The following TPO variants were observed in gnomAD, a reference collection of about 807,000 sequenced individuals.
TPO encodes the protein thyroid peroxidase.
Under a neutral mutation model 96.9 loss-of-function variants are expected in TPO, and 78 were observed. That is an observed-to-expected ratio of 0.81 (90% confidence interval 0.67 to 0.97). TPO has a LOEUF of 0.97. TPO is among the 50% of genes least tolerant of loss of function. TPO has a pLI of 0.00. For missense variants in TPO, 1,252 were observed against 1,274.8 expected, an observed-to-expected ratio of 0.98 and a Z score of 0.27; for synonymous variants, 547 against 538.0, an observed-to-expected ratio of 1.02 and a Z score of -0.23.
chr2:1,404,655 A>T (rs1243608631), intron 1 of TPO, among the ~76,000 whole-genome samples: 1 of 152,136 alleles, frequency 6.6e-6, no homozygotes, highest in Non-Finnish European at 1.5e-5. Context: ...AACCCGGCCA[A>T]CATCTGACTC....
At chr2:1,429,262 A>T (rs77773290) in intron 3 of TPO, among the ~76,000 whole-genome samples, 70,909 of 151,308 alleles carry the variant, frequency 0.47, 16,933 homozygotes, top group Middle Eastern at 0.52. Context: ...TCCCCATTCA[A>T]CTTCTGCCAT....
In TPO at chr2:1,382,671, G is replaced by A. The variant is rs537331671; in HGVS notation, n.180+8269G>A. On this transcript the variant is annotated intron_variant and non_coding_transcript_variant, in intron 1 of 5. Coordinates refer to the TPO transcript ENST00000497517. ...AGGATTGTCACAACCAGGAATTCCA[G>A]GAAGACCTGGACTACATAGATATGT... Among the ~76,000 whole-genome samples the A allele has an allele frequency of 2.0e-5, 3 of 152,186 alleles. No homozygotes were observed. The South Asian group carries it at 6.2e-4, about 32-fold the overall frequency.
intron 7 of TPO, among the ~76,000 whole-genome samples, chr2:1,458,698 C>T (rs1668122771): frequency 6.6e-6 from 1 of 152,186 alleles, no homozygotes; most frequent in Non-Finnish European, 1.5e-5. Flanking sequence ...TTTTTCTCAT[C>T]CTCTGTGTCA....
At position 1,415,974 on chromosome 2, in the gene TPO, G is replaced by A. The variant is rs183040946; in HGVS notation, c.94+1472G>A. ...CCCCAGGACTTCCTGGTCACTGCCC[G>A]CTCTGAGATCAGGGAAGCCGTGGGG... On this transcript the variant is annotated intron_variant, in intron 2 of 16. Transcript: ENST00000329066. Among the ~76,000 whole-genome samples the A allele has an allele frequency of 2.4e-3, 370 of 152,188 alleles. 1 individual carries two copies. The highest frequency in any genetic ancestry group is 4.6e-3 in the Non-Finnish European group (311 of 68,014).
rs544642645 is a variant in TPO, at chr2:1,503,046, C to T, written c.2387-902C>T. 7.0e-4 allele frequency among the ~76,000 whole-genome samples: 107 copies of T among 152,284 alleles called. 1 individual carries two copies. The highest frequency in any genetic ancestry group is 2.6e-3 in the African/African-American group (107 of 41,578). The stretch of plus-strand genomic sequence containing the variant: ...CACATTCTCATCGTCCTGGGGTGGC[C>T]GAGTCGGGGACCAAGACCCTGTGGC... On this transcript the variant is annotated intron_variant, in intron 13 of 16. Coordinates refer to ENST00000329066, the MANE Select transcript of TPO (RefSeq NM_001206744.2).
chr2:1,411,622 G>A (rs780882590), upstream of TPO, among the ~76,000 whole-genome samples: 1 of 152,160 alleles, frequency 6.6e-6, no homozygotes, highest in Non-Finnish European at 1.5e-5. Context: ...CATCAGCTCC[G>A]GAGGTCATAG....
chr2:1,440,331 C>G (rs566422583), intron 5 of TPO, among the ~76,000 whole-genome samples: 1 of 152,276 alleles, frequency 6.6e-6, no homozygotes, highest in Non-Finnish European at 1.5e-5. Context: ...AGTTTTCTTG[C>G]TTTATGGTGT....
At chr2:1,384,462 T>C (rs1661856635) in intron 1 of TPO, among the ~76,000 whole-genome samples, 1 of 152,210 alleles carries the variant, frequency 6.6e-6, no homozygotes, top group African/African-American at 2.4e-5. Flanking sequence ...TATTTTATTC[T>C]CTTTGAAGCA....
intron 14 of TPO, among the ~76,000 whole-genome samples, chr2:1,507,291 G>T (rs1208723271): frequency 6.6e-6 from 1 of 152,170 alleles, no homozygotes; most frequent in Non-Finnish European, 1.5e-5. Context: ...CTGTAGCCTT[G>T]TAGTATAGTT....
intron 9 of TPO, among the ~76,000 whole-genome samples, 163 bp downstream of exon 9, chr2:1,485,017 A>C (rs1671003960): frequency 6.6e-6 from 1 of 151,932 alleles, no homozygotes; most frequent in Non-Finnish European, 1.5e-5. Flanking sequence ...ATTAACTCGT[A>C]ATTTACATTA....
chr2:1,392,385 G>T (rs1251457319), intron 1 of TPO, among the ~76,000 whole-genome samples: 1 of 152,168 alleles, frequency 6.6e-6, no homozygotes, highest in East Asian at 1.9e-4. Flanking sequence ...GCTTTTTAAT[G>T]TGCTGCTGGA....
chr2:1,537,346 C>G (rs1281373978), intron 15 of TPO, among the ~76,000 whole-genome samples: 3 of 121,624 alleles, frequency 2.5e-5, no homozygotes, highest in Admixed American at 9.1e-5. Context: ...ATCCTCCACT[C>G]TGTTCGACCT....
upstream of TPO, among the ~76,000 whole-genome samples, chr2:1,410,394 T>G (rs557012179): frequency 6.6e-6 from 1 of 152,310 alleles, no homozygotes; most frequent in African/African-American, 2.4e-5. Context: ...GTGAGTCAAG[T>G]GTGAGCCCAC....
intron 8 of TPO, among the ~76,000 whole-genome samples, chr2:1,479,536 C>A (rs938022901): frequency 2.6e-5 from 4 of 152,206 alleles, no homozygotes; most frequent in Non-Finnish European, 4.4e-5. Flanking sequence ...ATCCCTGGAG[C>A]CCGTTCACAG....
intron 2 of TPO, among the ~76,000 whole-genome samples, chr2:1,418,651 G>T (rs1663198412): frequency 6.6e-6 from 1 of 152,224 alleles, no homozygotes; most frequent in African/African-American, 2.4e-5. Flanking sequence ...CACACAGGCT[G>T]AGAGGCATTC....
At chr2:1,519,552 G>A (rs2125088113) in intron 15 of TPO, among the ~76,000 whole-genome samples, 1 of 152,164 alleles carries the variant, frequency 6.6e-6, no homozygotes, top group East Asian at 1.9e-4. Context: ...ATGGGGTGGT[G>A]GCAGGAAATA....
intron 5 of TPO, among the ~76,000 whole-genome samples, chr2:1,443,566 GGC>G (rs1666424827): frequency 6.7e-6 from 1 of 148,702 alleles, no homozygotes; most frequent in East Asian, 2.0e-4. Flanking sequence ...GAAGGGAAAG[GGC>G]AGGCTCCTTC....
chr2:1,441,705 G>A lies in TPO; in HGVS notation c.482+5321G>A, dbSNP rs77197389. Among the ~76,000 whole-genome samples, 2,946 of 152,212 alleles carry A rather than the reference G, an allele frequency of 0.019. 156 individuals are homozygous for A. The East Asian group carries it at 0.21, about 11-fold the overall frequency. ...GCTGGGGGGTAGGAGGTGGGTGTGG[G>A]CAGGGGTCACGTCACTTGCAGGTTG... On this transcript the variant is annotated intron_variant, in intron 5 of 16. Coordinates refer to ENST00000329066, the MANE Select transcript of TPO (RefSeq NM_001206744.2).
At chr2:1,480,807 A>ATCCGTCCTCACCACGTCCCTGCTGCTGCG (rs1670538705) in intron 8 of TPO, among the ~76,000 whole-genome samples, 1 of 84,404 alleles carries the variant, frequency 1.2e-5, no homozygotes, top group East Asian at 3.2e-4. Flanking sequence ...CTCCTGCTGC[A>ATCCGTCCTCACCACGTCCCTGCTGCTGCG]TCCGTCCACA....
Sources: allele counts gnomAD v4.1 joint callset (sites outside exome capture counted in the v4.1 genomes callset), GRCh38; gene constraint gnomAD v4.1.1; transcripts MANE v1.5; gene names NCBI Gene and HGNC (gene_info 2026-07-23, HGNC 2026-07-21).